ARSF: variants seen among roughly 807,000 people sequenced by gnomAD.
ARSF encodes arylsulfatase F.
In ARSF, 33 loss-of-function variants were observed where a neutral mutation model predicts 35.4. That is an observed-to-expected ratio of 0.93 (90% CI 0.71 to 1.25). The LOEUF is 1.25. Ranked by LOEUF, ARSF falls within the 50% of genes most tolerant of loss-of-function variation. The pLI, the probability that ARSF is intolerant of heterozygous loss-of-function variation, is 0.00. For synonymous variants in ARSF, 222 were observed against 193.1 expected, an observed-to-expected ratio of 1.15 and a Z score of -1.24; for missense variants, 501 against 480.2, an observed-to-expected ratio of 1.04 and a Z score of -0.40.
chrX:3,067,868 A>C (rs1210010507), intron 1 of ARSF, among the ~76,000 whole-genome samples: 1 of 110,108 alleles, frequency 9.1e-6, no homozygotes, highest in Non-Finnish European at 1.9e-5. Context: ...AAAAAAAAAA[A>C]AAGGTCAAAA....
chrX:3,067,652 A>G (rs761938890), intron 1 of ARSF, among the ~76,000 whole-genome samples: 1 of 110,546 alleles, frequency 9.0e-6, no homozygotes, highest in South Asian at 3.9e-4. Context: ...TGAGGTCAGC[A>G]GTTCAGGACC....
At chrX:3,101,346 CT>C in intron 8 of ARSF, 125 bp downstream of exon 8, 1 of 835,517 alleles carries the variant, frequency 1.2e-6, no homozygotes, top group Non-Finnish European at 1.7e-6. Flanking sequence ...TAATTTGACT[CT>C]TAGTAAAATG....
At chrX:3,041,121 A>G (rs902942274), upstream of ARSF, among the ~76,000 whole-genome samples, 71 of 110,572 alleles carry the variant, frequency 6.4e-4, no homozygotes, top group African/African-American at 2.2e-3. Flanking sequence ...TTCCTGTTAC[A>G]TATTATGTCT....
At chrX:3,040,238 A>C (rs1039284775), upstream of ARSF, among the ~76,000 whole-genome samples, 1 of 110,820 alleles carries the variant, frequency 9.0e-6, no homozygotes, top group African/African-American at 3.3e-5. Context: ...GGGCCTCAGA[A>C]AAGACTCAGA....
At chrX:3,077,021 G>A (rs1370715849) in intron 4 of ARSF, among the ~76,000 whole-genome samples, 7 of 111,007 alleles carry the variant, frequency 6.3e-5, no homozygotes, top group Non-Finnish European at 1.3e-4. Context: ...CTCTAGCCTC[G>A]TTGATAGAGC....
At chrX:3,098,510 T>A (rs1346106423) in intron 7 of ARSF, among the ~76,000 whole-genome samples, 2 of 110,844 alleles carry the variant, frequency 1.8e-5, no homozygotes, top group Non-Finnish European at 3.8e-5. Context: ...TCCCCCATAG[T>A]GTTCTCATGG....
chrX:3,087,073 A>G (rs920726564), intron 6 of ARSF, among the ~76,000 whole-genome samples: 1 of 111,248 alleles, frequency 9.0e-6, no homozygotes, highest in Non-Finnish European at 1.9e-5. Flanking sequence ...TTATAAAAGG[A>G]CATTTCTGAT....
intron 8 of ARSF, among the ~76,000 whole-genome samples, chrX:3,102,294 CCCAAAGTCA>C (rs1203815832): frequency 5.4e-5 from 6 of 111,419 alleles, no homozygotes; most frequent in African/African-American, 6.5e-5. Context: ...CCAATCATTC[CCCAAAGTCA>C]CCAGAGCCCA....
At chrX:3,099,811 C>T (rs753927002) in intron 7 of ARSF, among the ~76,000 whole-genome samples, 4 of 111,576 alleles carry the variant, frequency 3.6e-5, no homozygotes, top group South Asian at 3.7e-4. Flanking sequence ...ATTTTCAGTG[C>T]GATTTTTGCT....
At chrX:3,068,145 T>C in intron 2 of ARSF, 34 bp downstream of exon 2, 2 of 1,172,937 alleles carry the variant, frequency 1.7e-6, no homozygotes, top group Non-Finnish European at 2.3e-6. Flanking sequence ...TGTGAGCACA[T>C]TGAATCTAAT....
chrX:3,103,803 C>G lies in ARSF; in HGVS notation c.1144C>G (p.Pro382Ala), dbSNP rs2090395339. The change falls in exon 9 of 11, where the codon CCA becomes GCA. Residue 382 changes from proline (P) to alanine (A), a missense_variant. Physicochemically the swap from Pro to Ala is conservative, Grantham distance 27. Transcript: ENST00000381127. ...MGGWEGGIRV[P>A]GIVRWPGKVP... ...GGGCTGGGAAGGTGGAATCCGCGTC[C>G]CAGGAATTGTCCGATGGCCTGGAAA... 1 of 1,209,636 alleles carries G rather than the reference C, an allele frequency of 8.3e-7. No homozygotes were observed.
intron 1 of ARSF, among the ~76,000 whole-genome samples, chrX:3,052,688 C>G (rs1395533417): frequency 2.5e-5 from 1 of 39,940 alleles, no homozygotes; most frequent in Non-Finnish European, 3.9e-5. Flanking sequence ...GAGACCCTGT[C>G]TCAAAAAAAA....
At chrX:3,090,039 C>T (rs147635940) in intron 7 of ARSF, among the ~76,000 whole-genome samples, 67 of 111,377 alleles carry the variant, frequency 6.0e-4, no homozygotes, top group African/African-American at 1.8e-3. Flanking sequence ...AAGCATAGCA[C>T]GCAATAGTTA....
At chrX:3,046,394 T>C (rs760265109) in intron 1 of ARSF, among the ~76,000 whole-genome samples, 2 of 111,423 alleles carry the variant, frequency 1.8e-5, no homozygotes, top group South Asian at 3.8e-4. Flanking sequence ...GGCTCCTTTT[T>C]AAAAAGGGAA....
chrX:3,098,076 A>ACG (rs1490119006), intron 7 of ARSF, among the ~76,000 whole-genome samples: 5 of 108,751 alleles, frequency 4.6e-5, no homozygotes, highest in Non-Finnish European at 9.6e-5. Context: ...ACACACACAC[A>ACG]CACACACACA....
chrX:3,082,733 A>C (rs1391032172), intron 5 of ARSF, among the ~76,000 whole-genome samples: 1 of 111,436 alleles, frequency 9.0e-6, no homozygotes, highest in African/African-American at 3.3e-5. Context: ...TATTTATTAC[A>C]TCTATGTCTC....
At chrX:3,084,977 G>T (rs2090236569) in intron 6 of ARSF, among the ~76,000 whole-genome samples, 1 of 111,079 alleles carries the variant, frequency 9.0e-6, no homozygotes, top group Non-Finnish European at 1.9e-5. Flanking sequence ...AAATAATAGG[G>T]GATGATGGTA....
chrX:3,061,956 T>A (rs986827626), intron 1 of ARSF, among the ~76,000 whole-genome samples: 5 of 111,709 alleles, frequency 4.5e-5, no homozygotes, highest in African/African-American at 1.6e-4. Flanking sequence ...GTGGACCTAA[T>A]AGACATCTAC....
intron 5 of ARSF, among the ~76,000 whole-genome samples, chrX:3,081,991 T>G (rs1012776244): frequency 9.0e-5 from 10 of 111,705 alleles, no homozygotes; most frequent in Non-Finnish European, 1.7e-4. Context: ...CCTAAGCCAG[T>G]AGCACTGCCT....
Sources: allele counts gnomAD v4.1 joint callset (sites outside exome capture counted in the v4.1 genomes callset), GRCh38; gene constraint gnomAD v4.1.1; transcripts MANE v1.5; gene names NCBI Gene and HGNC (gene_info 2026-07-23, HGNC 2026-07-21).